TMA16: variants seen among roughly 807,000 people sequenced by gnomAD.
The protein encoded by TMA16 is translation machinery associated 16 homolog.
A neutral mutation model predicts 27.1 loss-of-function variants in TMA16; 26 were observed. That is an observed-to-expected ratio of 0.96 (90% CI 0.70 to 1.33). The LOEUF (loss-of-function observed/expected upper bound fraction) is 1.33, where lower values mean the gene tolerates loss of function less well. TMA16 is among the 40% of genes most tolerant of loss of function. The pLI is 0.00. For missense variants in TMA16, 233 were observed against 241.4 expected, an observed-to-expected ratio of 0.97 and a Z score of 0.23; for synonymous variants, 71 against 81.9, an observed-to-expected ratio of 0.87 and a Z score of 0.72.
At chr4:163,519,297 A>C (rs763936673) in intron 6 of TMA16, 37 bp from the exon 7 acceptor site, 16 of 1,515,036 alleles carry the variant, frequency 1.1e-5, no homozygotes, top group South Asian at 1.3e-5. Flanking sequence ...ACTCTTACCA[A>C]CACTCTGCAC....
chr4:163,513,480 G>A (rs1737826397), intron 3 of TMA16, among the ~76,000 whole-genome samples: 1 of 152,100 alleles, frequency 6.6e-6, no homozygotes, highest in Non-Finnish European at 1.5e-5. Flanking sequence ...GACCCTGACG[G>A]TCAGGTTTAC....
At chr4:163,495,255 C>A (rs568837595) in intron 1 of TMA16, among the ~76,000 whole-genome samples, 4 of 152,156 alleles carry the variant, frequency 2.6e-5, no homozygotes, top group Admixed American at 6.5e-5. Context: ...TGAATCCTGC[C>A]GTTACGCCCC....
At chr4:163,497,862 A>G (rs1275290780) in intron 1 of TMA16, among the ~76,000 whole-genome samples, 2 of 152,218 alleles carry the variant, frequency 1.3e-5, no homozygotes, top group African/African-American at 4.8e-5. Flanking sequence ...GTCTGCCACA[A>G]AAAGACTTTT....
intron 2 of TMA16, among the ~76,000 whole-genome samples, chr4:163,511,638 C>CTTATTTT: frequency 6.7e-6 from 1 of 150,114 alleles, no homozygotes; most frequent in Non-Finnish European, 1.5e-5. Context: ...CAGTGAGACT[C>CTTATTTT]TGTCTCTACA....
At chr4:163,494,908 G>A (rs1476201521) in intron 1 of TMA16, 104 bp downstream of exon 1, 1 of 1,521,864 alleles carries the variant, frequency 6.6e-7, no homozygotes, top group African/African-American at 1.4e-5. Context: ...TAGGAGAGGG[G>A]AGGATGCAAA....
At chr4:163,510,611 T>C (rs1309091662) in intron 2 of TMA16, among the ~76,000 whole-genome samples, 1 of 152,240 alleles carries the variant, frequency 6.6e-6, no homozygotes, top group East Asian at 1.9e-4. Flanking sequence ...GCAATTTATT[T>C]ATATCCATTC....
At chr4:163,517,657 C>A (rs1326333137) in intron 6 of TMA16, 181 bp downstream of exon 6, 6 of 538,252 alleles carry the variant, frequency 1.1e-5, no homozygotes, top group Non-Finnish European at 3.2e-6. Context: ...TTGATCTGCA[C>A]CAACAGGATG....
chr4:163,517,333 T>A (rs1737895629), intron 5 of TMA16, 101 bp from the exon 6 acceptor site: 1 of 1,212,540 alleles, frequency 8.2e-7, no homozygotes, highest in Non-Finnish European at 1.2e-6. Context: ...GAAATTTTGT[T>A]TTCTGTTGGA....
At chr4:163,514,467 A>G (rs1266283623) in intron 4 of TMA16, among the ~76,000 whole-genome samples, 1 of 152,186 alleles carries the variant, frequency 6.6e-6, no homozygotes, top group African/African-American at 2.4e-5. Flanking sequence ...AAAGAAGAAT[A>G]TTTAAAAATG....
At chr4:163,515,696 G>C (rs759339498) in intron 5 of TMA16, 1 of 399,802 alleles carries the variant, frequency 2.5e-6, no homozygotes, top group Non-Finnish European at 4.5e-6. Flanking sequence ...TACCGTGATA[G>C]TAATACTGAT....
In TMA16 at chr4:163,509,350, T is replaced by C. The variant is rs368782358; in HGVS notation, c.116+2205T>C. Among the ~76,000 whole-genome samples the C allele has an allele frequency of 1.6e-4, 24 of 152,336 alleles. 1 individual carries two copies. In the East Asian group the frequency reaches 1.9e-3, roughly 12 times the overall value. ...AAGGTACCAACAGGACAACTTGAACTTGGGTACCTGTGGCTTCTTAGAAAT... is the reference window on the plus strand; with the variant it reads ...AAGGTACCAACAGGACAACTTGAACCTGGGTACCTGTGGCTTCTTAGAAAT... On this transcript the variant is annotated intron_variant, in intron 2 of 6. Coordinates refer to ENST00000358572, the MANE Select transcript of TMA16 (RefSeq NM_018352.3).
chr4:163,506,249 C>G (rs1431947029), intron 1 of TMA16, among the ~76,000 whole-genome samples: 3 of 152,098 alleles, frequency 2.0e-5, no homozygotes, highest in Non-Finnish European at 2.9e-5. Flanking sequence ...ATGGAAGGAT[C>G]CTGGATCCCT....
intron 1 of TMA16, among the ~76,000 whole-genome samples, chr4:163,497,818 A>G (rs1469899792): frequency 6.6e-6 from 1 of 152,178 alleles, no homozygotes; most frequent in African/African-American, 2.4e-5. Context: ...GGGCGTGGAT[A>G]TCTTTTGGTC....
intron 3 of TMA16, among the ~76,000 whole-genome samples, chr4:163,513,853 G>T (rs746295094): frequency 6.6e-6 from 1 of 152,022 alleles, no homozygotes; most frequent in Non-Finnish European, 1.5e-5. Context: ...ATACAGAAGC[G>T]CATCCCTCCC....
In TMA16 at chr4:163,513,430, T is replaced by C. The variant is rs1737824910; in HGVS notation, c.154+571T>C. ...GATCTCATTGTACAGGGCCGGGTGATTTTTTTTGATCTGTAATCTTGAGAA... is the reference window on the plus strand; with the variant it reads ...GATCTCATTGTACAGGGCCGGGTGACTTTTTTTGATCTGTAATCTTGAGAA... On this transcript the variant is annotated intron_variant, in intron 3 of 6. Transcript: ENST00000358572. 3.3e-5 allele frequency among the ~76,000 whole-genome samples: 5 copies of C among 152,130 alleles called. No individual in the cohort carries two copies. In the South Asian group the frequency reaches 1.0e-3, roughly 32 times the overall value.
At chr4:163,507,387 T>C (rs1214818853) in intron 2 of TMA16, among the ~76,000 whole-genome samples, 1 of 152,010 alleles carries the variant, frequency 6.6e-6, no homozygotes, top group Non-Finnish European at 1.5e-5. Context: ...AGTTATGGGA[T>C]GGACAGTGAG....
intron 1 of TMA16, among the ~76,000 whole-genome samples, chr4:163,503,547 A>T (rs1231472623): frequency 3.9e-5 from 6 of 152,200 alleles, no homozygotes; most frequent in Admixed American, 3.3e-4. Context: ...TAACTCTATT[A>T]TGTCGTTTTG....
intron 1 of TMA16, among the ~76,000 whole-genome samples, chr4:163,496,605 A>T (rs550632000): frequency 1.0e-3 from 156 of 150,848 alleles, no homozygotes; most frequent in African/African-American, 3.3e-3. Context: ...ATTATTTTTT[A>T]TTTTTTTTTG....
chr4:163,512,529 A>G (rs1737813559), intron 2 of TMA16: 1 of 263,660 alleles, frequency 3.8e-6, no homozygotes, highest in Non-Finnish European at 7.2e-6. Context: ...TACAGAACCC[A>G]TCTGAATGTT....
Sources: allele counts gnomAD v4.1 joint callset (sites outside exome capture counted in the v4.1 genomes callset), GRCh38; gene constraint gnomAD v4.1.1; transcripts MANE v1.5; gene names NCBI Gene and HGNC (gene_info 2026-07-23, HGNC 2026-07-21).